NCAM1: variants seen among roughly 807,000 people sequenced by gnomAD.
NCAM1 encodes neural cell adhesion molecule 1.
In NCAM1, 14 loss-of-function variants were observed where a neutral mutation model predicts 109.8. The observed-to-expected ratio is 0.13, with a 90% CI of 0.08 to 0.20. The LOEUF (loss-of-function observed/expected upper bound fraction) is 0.20. NCAM1 is among the 10% of genes least tolerant of loss of function. The pLI is 1.00. For missense variants in NCAM1, 774 were observed against 1,109.9 expected (o/e 0.70, Z 4.30); for synonymous variants, 418 against 442.9 (o/e 0.94, Z 0.70).
At chr11:113,116,387 G>T (rs530768429) in intron 1 of NCAM1, among the ~76,000 whole-genome samples, 1 of 152,276 alleles carries the variant, frequency 6.6e-6, no homozygotes, top group South Asian at 2.1e-4. Flanking sequence ...CTCTGAGGCT[G>T]CAGTGCTTTC....
intron 1 of NCAM1, among the ~76,000 whole-genome samples, chr11:112,982,657 A>G (rs1449163718): frequency 6.6e-6 from 1 of 151,964 alleles, no homozygotes; most frequent in Admixed American, 6.6e-5. Context: ...TGATGAACTT[A>G]GTGACTGATT....
At chr11:113,115,248 A>G (rs892954) in intron 1 of NCAM1, among the ~76,000 whole-genome samples, 120,988 of 152,074 alleles carry the variant, frequency 0.8, 48,329 homozygotes, top group African/African-American at 0.88. Flanking sequence ...TAAAACGTAC[A>G]AAACAGCTTG....
intron 7 of NCAM1, among the ~76,000 whole-genome samples, chr11:113,212,318 CTA>C (rs1944411759): frequency 3.3e-5 from 5 of 152,134 alleles, no homozygotes; most frequent in Admixed American, 2.6e-4. Flanking sequence ...ACTCTGTAGA[CTA>C]TACAAAATTA....
At chr11:113,228,449 A>G (rs1555116624) in intron 9 of NCAM1, among the ~76,000 whole-genome samples, 1 of 152,236 alleles carries the variant, frequency 6.6e-6, no homozygotes, top group African/African-American at 2.4e-5. Context: ...AACAAATGGA[A>G]GAACATTCCA....
chr11:113,269,894 TCAGA>T (rs1946227827), intron 17 of NCAM1: 2 of 474,256 alleles, frequency 4.2e-6, no homozygotes, highest in South Asian at 2.4e-5. Context: ...TCCGGTGTTC[TCAGA>T]CAGGCGGGGC....
At chr11:113,036,172 C>T (rs1171203646) in intron 1 of NCAM1, among the ~76,000 whole-genome samples, 5 of 152,116 alleles carry the variant, frequency 3.3e-5, no homozygotes, top group African/African-American at 9.7e-5. Flanking sequence ...TCCTGCCACT[C>T]TTAGTAAATA....
At chr11:113,267,601 G>A (rs962370090) in intron 17 of NCAM1, among the ~76,000 whole-genome samples, 5 of 152,306 alleles carry the variant, frequency 3.3e-5, no homozygotes, top group African/African-American at 7.2e-5. Context: ...GCCGGTTCAC[G>A]CCATGAGGCC....
intron 10 of NCAM1, among the ~76,000 whole-genome samples, 187 bp from the exon 11 acceptor site, chr11:113,231,983 C>G (rs1460106126): frequency 4.6e-5 from 7 of 152,150 alleles, no homozygotes; most frequent in Admixed American, 2.0e-4. Context: ...AGGCTTCTTA[C>G]AAGCCTGCTG....
chr11:113,106,195 G>A (rs1940152495), intron 1 of NCAM1, among the ~76,000 whole-genome samples: 1 of 151,844 alleles, frequency 6.6e-6, no homozygotes, highest in African/African-American at 2.4e-5. Flanking sequence ...ATATTACCAG[G>A]TCTCATTTAT....
chr11:113,185,191 A>G (rs1216923911), intron 1 of NCAM1, among the ~76,000 whole-genome samples: 1 of 151,634 alleles, frequency 6.6e-6, no homozygotes, highest in Non-Finnish European at 1.5e-5. Flanking sequence ...CTGAAGACCC[A>G]AGAGAGCTTA....
At chr11:113,190,824 C>G (rs117697657) in intron 1 of NCAM1, among the ~76,000 whole-genome samples, 7 of 152,128 alleles carry the variant, frequency 4.6e-5, no homozygotes. Context: ...GGAATGGACT[C>G]TCCATCCAGT....
chr11:113,251,517 G>C (rs1467925812), intron 15 of NCAM1, among the ~76,000 whole-genome samples: 2 of 152,128 alleles, frequency 1.3e-5, no homozygotes, highest in Non-Finnish European at 2.9e-5. Context: ...TTGGGTTCAT[G>C]ATTCACATCC....
chr11:113,273,349 C>T lies in NCAM1; in HGVS notation c.2456+1473C>T. 1 of 342,830 alleles carries T rather than the reference C, an allele frequency of 2.9e-6. No homozygotes were observed. The highest frequency in any genetic ancestry group is 5.8e-6 in the Non-Finnish European group (1 of 172,566). 21.2% of individuals were successfully genotyped at this position (342,830 alleles called of 1,614,324 possible). On this transcript the variant is annotated intron_variant, in intron 19 of 19. Transcript: ENST00000316851. The surrounding 1 kb of genome is among the most constrained non-coding windows in gnomAD (Gnocchi z 6.0). ...AAGGCTCCTCCGGCCAGCAAGCCCA[C>T]CCCTGCACCAGTCCCCACCCCGACT... is the stretch of plus-strand genomic sequence containing the variant.
Position 113,077,574 on chromosome 11 carries a change from C to T in NCAM1, c.52+115910C>T, listed in dbSNP as rs549746172. Among the ~76,000 whole-genome samples the T allele has an allele frequency of 4.6e-5, 7 of 152,260 alleles. No homozygotes were observed. In the South Asian group the frequency reaches 1.5e-3, roughly 32 times the overall value. ...TCTATCATGAGGTTGGATGCCAGCC[C>T]AGCCCATATGCCAAAATGTGTTTGT... On this transcript the variant is annotated intron_variant, in intron 1 of 19. Coordinates refer to ENST00000316851, the MANE Select transcript of NCAM1 (RefSeq NM_181351.5).
chr11:113,196,752 C>T (rs1299702180), intron 1 of NCAM1, among the ~76,000 whole-genome samples: 2 of 152,336 alleles, frequency 1.3e-5, no homozygotes, highest in Admixed American at 6.5e-5. Context: ...CTTAACCACC[C>T]TGCAATGTGA....
intron 1 of NCAM1, among the ~76,000 whole-genome samples, chr11:113,054,414 CA>C (rs1385523194): frequency 3.2e-4 from 48 of 152,300 alleles, no homozygotes; most frequent in African/African-American, 1.1e-3. Context: ...AGGCATTAGC[CA>C]CCCTCTTTAG....
intron 1 of NCAM1, among the ~76,000 whole-genome samples, chr11:113,134,152 C>G (rs1555098905): frequency 6.6e-6 from 1 of 152,168 alleles, no homozygotes; most frequent in African/African-American, 2.4e-5. Context: ...CTTTCCACCT[C>G]AGGCCCTGGC....
At chr11:113,239,155 TTGTG>T (rs1453031286) in intron 14 of NCAM1, among the ~76,000 whole-genome samples, 1 of 152,198 alleles carries the variant, frequency 6.6e-6, no homozygotes, top group Non-Finnish European at 1.5e-5. Flanking sequence ...GGAGGTTCCT[TTGTG>T]TGTAGTTCAT....
chr11:113,046,520 A>T (rs1010008153), intron 1 of NCAM1, among the ~76,000 whole-genome samples: 3 of 152,122 alleles, frequency 2.0e-5, no homozygotes, highest in South Asian at 4.1e-4. Flanking sequence ...ATAGGAGTTG[A>T]CTCTTTTCAA....
Sources: allele counts gnomAD v4.1 joint callset (sites outside exome capture counted in the v4.1 genomes callset), GRCh38; gene constraint gnomAD v4.1.1; non-coding constraint Gnocchi (gnomAD v3.1); transcripts MANE v1.5; gene names NCBI Gene and HGNC (gene_info 2026-07-23, HGNC 2026-07-21).